PAX7: variants seen among roughly 807,000 people sequenced by gnomAD.
The protein encoded by PAX7 is paired box 7.
Under a neutral mutation model 50.7 loss-of-function variants are expected in PAX7, and 18 were observed. The observed-to-expected ratio is 0.36, with a 90% confidence interval of 0.25 to 0.53. The LOEUF (loss-of-function observed/expected upper bound fraction) is 0.53, where lower values mean the gene tolerates loss of function less well. PAX7 is among the 20% of genes least tolerant of loss of function. The pLI, the probability that PAX7 is intolerant of heterozygous loss-of-function variation, is 0.93. For missense variants in PAX7, 644 were observed against 702.9 expected (o/e 0.92, Z 0.95); for synonymous variants, 310 against 290.4 (o/e 1.07, Z -0.69).
chr1:18,703,051 G>A (rs1050358915), intron 6 of PAX7, 43 bp from the exon 7 acceptor site: 1 of 1,572,136 alleles, frequency 6.4e-7, no homozygotes, highest in Non-Finnish European at 8.7e-7. Flanking sequence ...CAGCGTCCAG[G>A]ATGAGGCCAC....
At chr1:18,682,619 C>T (rs1477214257) in intron 4 of PAX7, among the ~76,000 whole-genome samples, 1 of 152,182 alleles carries the variant, frequency 6.6e-6, no homozygotes, top group African/African-American at 2.4e-5. Context: ...CACCTTCTGG[C>T]AGTGGCCCTG....
intron 7 of PAX7, among the ~76,000 whole-genome samples, chr1:18,723,669 C>T (rs2089521503): frequency 6.6e-6 from 1 of 152,242 alleles, no homozygotes; most frequent in Non-Finnish European, 1.5e-5. Flanking sequence ...GAATAAGATG[C>T]ACAGGGAGAG....
intron 4 of PAX7, among the ~76,000 whole-genome samples, chr1:18,637,795 C>A (rs546270927): frequency 6.6e-6 from 1 of 152,382 alleles, no homozygotes; most frequent in African/African-American, 2.4e-5. Flanking sequence ...CAGACAGGGC[C>A]CCTAGTGATG....
chr1:18,695,779 A>G (rs1189749330), intron 5 of PAX7, among the ~76,000 whole-genome samples: 2 of 152,152 alleles, frequency 1.3e-5, no homozygotes, highest in African/African-American at 2.4e-5. Context: ...AATTTCTTCT[A>G]GAAATAGAGG....
chr1:18,631,441 A>C lies in PAX7; in HGVS notation c.-163A>C. The C allele has an allele frequency of 4.9e-6, 3 of 618,484 alleles. No homozygotes were observed. Among genetic ancestry groups the C allele is most frequent in the Non-Finnish European group, 2.9e-6 (1 of 345,486 alleles). The allele number at this position is 618,484 out of a possible 1,614,324, so 38.3% of individuals were successfully genotyped here. Reference sequence around the variant, plus strand: ...CTTCTGGACGCGTTTGACTGCAGCCAGGGGTGGGGGGTGGGGGTAGGGAGT... The same window carrying C: ...CTTCTGGACGCGTTTGACTGCAGCCCGGGGTGGGGGGTGGGGGTAGGGAGT... On this transcript the variant is annotated 5_prime_UTR_variant, in exon 1 of 9. Transcript: ENST00000420770.
chr1:18,638,213 G>A lies in PAX7; in HGVS notation c.586+1842G>A, dbSNP rs556252565. Among the ~76,000 whole-genome samples the A allele has an allele frequency of 5.3e-5, 8 of 152,372 alleles. No homozygotes were observed. The South Asian group carries it at 1.7e-3, about 32-fold the overall frequency. Reference sequence around the variant, plus strand: ...TATATCCAGTTCAATCTGTGAGGAAGCACAAATAGGTAAATTTCCTCTGAG... The same window carrying A: ...TATATCCAGTTCAATCTGTGAGGAAACACAAATAGGTAAATTTCCTCTGAG... On this transcript the variant is annotated intron_variant, in intron 4 of 8. Transcript: ENST00000420770.
chr1:18,658,977 T>A (rs1384632966), intron 4 of PAX7, among the ~76,000 whole-genome samples: 1 of 152,088 alleles, frequency 6.6e-6, no homozygotes, highest in Non-Finnish European at 1.5e-5. Flanking sequence ...TGTGTACACA[T>A]ATGTATGTGT....
intron 7 of PAX7, among the ~76,000 whole-genome samples, chr1:18,721,066 T>C (rs547340281): frequency 1.3e-5 from 2 of 152,134 alleles, no homozygotes; most frequent in South Asian, 4.2e-4. Context: ...TCTCCCAGCC[T>C]AGTGACCTGC....
At chr1:18,682,494 G>A (rs897353451) in intron 4 of PAX7, among the ~76,000 whole-genome samples, 16 of 152,188 alleles carry the variant, frequency 1.1e-4, no homozygotes, top group African/African-American at 3.6e-4. Context: ...GTTCTCCCTG[G>A]ATCAATGCCA....
intron 4 of PAX7, among the ~76,000 whole-genome samples, chr1:18,686,882 ATT>A (rs2088983700): frequency 1.8e-5 from 2 of 114,240 alleles, no homozygotes; most frequent in African/African-American, 7.6e-5. Context: ...TCTTTATTTT[ATT>A]TTATTATTAT....
chr1:18,731,574 G>A (rs948319247), intron 7 of PAX7, among the ~76,000 whole-genome samples: 2 of 151,970 alleles, frequency 1.3e-5, no homozygotes, highest in Non-Finnish European at 2.9e-5. Context: ...CTCAGGCCTT[G>A]TGGTCTTCAT....
rs765973742 is a variant in PAX7, at chr1:18,703,204, C to T, written c.1063C>T (p.Arg355Cys). ...CGACACCAGCTCTGCCTACGGAGCC[C>T]GCCACAGCTTCTCCAGCTACTCTGA... Reference protein sequence around the residue: ...AADTSSAYGARHSFSSYSDSF... With the variant: ...AADTSSAYGACHSFSSYSDSF... Residue 355 changes from arginine to cysteine, a missense_variant, in exon 7 of 9, where the codon CGC (arginine) becomes TGC (cysteine). Coordinates refer to ENST00000420770, the MANE Select transcript of PAX7 (RefSeq NM_001135254.2). 2 of 1,614,080 alleles carry T rather than the reference C, an allele frequency of 1.2e-6. No homozygotes were observed. The highest frequency in any genetic ancestry group is 1.7e-5 in the Admixed American group (1 of 60,028).
intron 7 of PAX7, among the ~76,000 whole-genome samples, chr1:18,711,524 G>A (rs17352316): frequency 0.036 from 5,482 of 152,184 alleles, 129 homozygotes; most frequent in Middle Eastern, 0.078. Context: ...CAATGTAAGG[G>A]GTTCTGCTGA....
rs1276178380 is a variant in PAX7, at chr1:18,634,994, ACACAAGGTAACCAGAAC to A, written c.322-113_322-97del. The A allele has an allele frequency of 3.1e-5, 40 of 1,273,014 alleles. No homozygotes were observed. The highest frequency in any genetic ancestry group is 4.3e-5 in the Non-Finnish European group (40 of 929,214). 78.9% of individuals were successfully genotyped at this position (1,273,014 alleles called of 1,614,324 possible). On this transcript the variant is annotated intron_variant, in intron 2 of 8. Transcript: ENST00000420770. This position sits in a 1 kb window ranked among gnomAD's most constrained non-coding sequence, Gnocchi z 4.0. ...AGCCAATCTCTTGGGGGATGGGGGG[ACACAAGGTAACCAGAAC>A]CACCAGCCTGGTCTGGGGCTCTTAA...
chr1:18,634,626 AG>A lies in PAX7; in HGVS notation c.321+90del. On this transcript the variant is annotated intron_variant, in intron 2 of 8. Transcript: ENST00000420770. This position sits in a 1 kb window ranked among gnomAD's most constrained non-coding sequence, Gnocchi z 4.0. ...GCCCCTCTTACTACCTCGTGGCACCAGGCTGTAGGAAAGTACAGCTGGAGGG... is the reference window on the plus strand; with the variant it reads ...GCCCCTCTTACTACCTCGTGGCACCAGCTGTAGGAAAGTACAGCTGGAGGG... 1 of 1,045,984 alleles carries A rather than the reference AG, an allele frequency of 9.6e-7. No individual in the cohort carries two copies. The highest frequency in any genetic ancestry group is 1.4e-6 in the Non-Finnish European group (1 of 696,374). 64.8% of individuals were successfully genotyped at this position (1,045,984 alleles called of 1,614,324 possible).
intron 4 of PAX7, among the ~76,000 whole-genome samples, chr1:18,673,411 A>G (rs1470807567): frequency 1.3e-5 from 2 of 152,132 alleles, no homozygotes; most frequent in South Asian, 2.1e-4. Flanking sequence ...CCACTCCCAA[A>G]TATCTAGAAG....
Position 18,726,145 on chromosome 1 carries a change from AGTGT to A in PAX7, c.1156-9456_1156-9453del, listed in dbSNP as rs35982827. Among the ~76,000 whole-genome samples, 11,403 of 137,418 alleles carry A rather than the reference AGTGT, an allele frequency of 0.083. 490 individuals carry two copies. Among genetic ancestry groups the A allele is most frequent in the African/African-American group, 0.15 (5,497 of 36,654 alleles). 90.2% of individuals were successfully genotyped at this position (137,418 alleles called of 152,430 possible). On this transcript the variant is annotated intron_variant, in intron 7 of 8. Coordinates refer to ENST00000420770, the MANE Select transcript of PAX7 (RefSeq NM_001135254.2). The surrounding 1 kb of genome is among the most constrained non-coding windows in gnomAD (Gnocchi z 4.8). Reference sequence around the variant, plus strand: ...ATAAAACAGACATTGGAAGAGTGTGAGTGTGTGTGTGTGTGTGTGTGTGTGTGTG... The same window carrying A: ...ATAAAACAGACATTGGAAGAGTGTGAGTGTGTGTGTGTGTGTGTGTGTGTG...
chr1:18,745,040 G>A lies in PAX7; in HGVS notation c.*111G>A, dbSNP rs142024760. 3.4e-4 allele frequency: 220 copies of A among 650,972 alleles called. 1 individual carries two copies. In the African/African-American group the frequency reaches 3.7e-3, roughly 11 times the overall value. The allele number at this position is 650,972 out of a possible 1,614,324, so 40.3% of individuals were successfully genotyped here. On this transcript the variant is annotated 3_prime_UTR_variant, in exon 9 of 9. Coordinates refer to ENST00000420770, the MANE Select transcript of PAX7 (RefSeq NM_001135254.2). ...CTGTTGTCCTAGGAGGCCAGGAAAG[G>A]AGCCCACCTGCTTCTCATCACCAGC...
At chr1:18,675,171 G>A (rs543571542) in intron 4 of PAX7, among the ~76,000 whole-genome samples, 15 of 152,060 alleles carry the variant, frequency 9.9e-5, no homozygotes, top group African/African-American at 3.6e-4. Flanking sequence ...AGGATGTAGT[G>A]CACGATGACT....
Sources: allele counts gnomAD v4.1 joint callset (sites outside exome capture counted in the v4.1 genomes callset), GRCh38; gene constraint gnomAD v4.1.1; non-coding constraint Gnocchi (gnomAD v3.1); transcripts MANE v1.5; gene names NCBI Gene and HGNC (gene_info 2026-07-23, HGNC 2026-07-21).